The following PAPPA2 variants were observed in gnomAD, a reference collection of about 807,000 sequenced individuals.
PAPPA2 encodes pappalysin 2.
PAPPA2 carries 86 observed loss-of-function variants against 176.4 expected under a neutral mutation model. The observed-to-expected ratio is 0.49, with a 90% confidence interval of 0.41 to 0.58. The LOEUF (loss-of-function observed/expected upper bound fraction) is 0.58, where lower values mean the gene tolerates loss of function less well. PAPPA2 is among the 20% of genes least tolerant of loss of function. PAPPA2 has a pLI of 0.00. For synonymous variants in PAPPA2, 809 were observed against 852.2 expected, an observed-to-expected ratio of 0.95 and a Z score of 0.88; for missense variants, 2,073 against 2,256.9, an observed-to-expected ratio of 0.92 and a Z score of 1.65.
intron 1 of PAPPA2, among the ~76,000 whole-genome samples, chr1:176,491,433 TA>T (rs1647286562): frequency 6.6e-6 from 1 of 152,124 alleles, no homozygotes. Flanking sequence ...GGGAGGAAGA[TA>T]TTTGCATGAG....
intron 21 of PAPPA2, among the ~76,000 whole-genome samples, chr1:176,818,434 T>C (rs1432242786): frequency 6.6e-6 from 1 of 152,204 alleles, no homozygotes; most frequent in Non-Finnish European, 1.5e-5. Context: ...GTGTGGACTT[T>C]CCCATTCCTG....
chr1:176,620,471 A>G (rs922482926), intron 3 of PAPPA2, among the ~76,000 whole-genome samples: 1 of 152,174 alleles, frequency 6.6e-6, no homozygotes, highest in African/African-American at 2.4e-5. Flanking sequence ...AGACATTTCA[A>G]ATCACATTTC....
intron 2 of PAPPA2, among the ~76,000 whole-genome samples, chr1:176,590,501 C>T (rs1653592530): frequency 6.6e-6 from 1 of 152,060 alleles, no homozygotes; most frequent in African/African-American, 2.4e-5. Flanking sequence ...CCTTTGATAA[C>T]ACATCATGAA....
chr1:176,522,787 C>T lies in PAPPA2; in HGVS notation c.-916-32620C>T, dbSNP rs1649284111. On this transcript the variant is annotated intron_variant, in intron 1 of 22. Coordinates refer to ENST00000367662, the MANE Select transcript of PAPPA2 (RefSeq NM_020318.3). ...GGGTGTTGTTTCTTTCTAACTCTTC[C>T]ACTTTGTGTAGACGAAGAGGGAAGA... Among the ~76,000 whole-genome samples the T allele has an allele frequency of 2.0e-5, 3 of 152,090 alleles. No individual in the cohort carries two copies. The South Asian group carries it at 6.2e-4, about 32-fold the overall frequency.
chr1:176,648,201 T>C (rs2102738456), intron 3 of PAPPA2, among the ~76,000 whole-genome samples: 1 of 151,712 alleles, frequency 6.6e-6, no homozygotes, highest in Admixed American at 6.6e-5. Flanking sequence ...GTAACTACAG[T>C]AAATAGGATT....
intron 3 of PAPPA2, among the ~76,000 whole-genome samples, chr1:176,598,900 C>T (rs191410234): frequency 6.6e-6 from 1 of 152,156 alleles, no homozygotes; most frequent in Non-Finnish European, 1.5e-5. Context: ...ATGAATATCT[C>T]TTAATTTACT....
intron 3 of PAPPA2, among the ~76,000 whole-genome samples, chr1:176,625,778 T>C (rs1655972804): frequency 6.6e-6 from 1 of 152,198 alleles, no homozygotes; most frequent in African/African-American, 2.4e-5. Context: ...CCCTGTAGTT[T>C]GGGAGGCCAA....
chr1:176,716,712 C>T (rs971130549), intron 12 of PAPPA2, among the ~76,000 whole-genome samples: 6 of 147,420 alleles, frequency 4.1e-5, no homozygotes, highest in Non-Finnish European at 7.5e-5. Flanking sequence ...CCCAGGTTCA[C>T]GCCATTCTCC....
intron 21 of PAPPA2, among the ~76,000 whole-genome samples, chr1:176,806,799 C>T (rs1665925062): frequency 6.6e-6 from 1 of 152,090 alleles, no homozygotes; most frequent in Non-Finnish European, 1.5e-5. Context: ...TAACGGCAAA[C>T]CTGTTCTTGT....
At chr1:176,793,787 A>G in intron 20 of PAPPA2, 118 bp downstream of exon 20, 2 of 674,840 alleles carry the variant, frequency 3.0e-6, no homozygotes, top group East Asian at 6.1e-5. Context: ...AAACAACCAC[A>G]TGGATTATTC....
At chr1:176,498,705 G>A (rs1166009555) in intron 1 of PAPPA2, among the ~76,000 whole-genome samples, 1 of 150,280 alleles carries the variant, frequency 6.7e-6, no homozygotes. Flanking sequence ...AGCCGAGATC[G>A]CACCATTGCA....
chr1:176,807,659 C>T (rs1205403286), intron 21 of PAPPA2, among the ~76,000 whole-genome samples: 1 of 152,020 alleles, frequency 6.6e-6, no homozygotes, highest in African/African-American at 2.4e-5. Context: ...CCACACCTGG[C>T]TGATTTTTGT....
At chr1:176,467,595 T>G (rs1234066054) in intron 1 of PAPPA2, among the ~76,000 whole-genome samples, 1 of 152,208 alleles carries the variant, frequency 6.6e-6, no homozygotes, top group East Asian at 1.9e-4. Context: ...GCCTCATTTA[T>G]TCAGTTGACA....
intron 21 of PAPPA2, among the ~76,000 whole-genome samples, chr1:176,809,795 A>G (rs1473893314): frequency 1.3e-5 from 2 of 152,072 alleles, no homozygotes; most frequent in Non-Finnish European, 1.5e-5. Flanking sequence ...CCTGGAAATG[A>G]GAGGATCAGA....
intron 4 of PAPPA2, among the ~76,000 whole-genome samples, chr1:176,682,355 A>G (rs919563815): frequency 6.6e-6 from 1 of 152,178 alleles, no homozygotes; most frequent in African/African-American, 2.4e-5. Context: ...GGTGATGAAG[A>G]AAGTTTTGGA....
chr1:176,764,024 C>A (rs941956799), intron 14 of PAPPA2, among the ~76,000 whole-genome samples: 1 of 152,196 alleles, frequency 6.6e-6, no homozygotes, highest in Non-Finnish European at 1.5e-5. Context: ...CAAACACATG[C>A]AAAGGTGCAA....
rs58667717 is a variant in PAPPA2 at position 176,623,711 on chromosome 1, C to CT, written c.1991+28118dup. On this transcript the variant is annotated intron_variant, in intron 3 of 22. Coordinates refer to ENST00000367662, the MANE Select transcript of PAPPA2 (RefSeq NM_020318.3). ...TCTCTCTCTTTCCTTTCTTTCTTTT[C>CT]TTCTTTCTTTCTTTCTCTTTCTTTC... 5.8e-4 allele frequency among the ~76,000 whole-genome samples: 72 copies of CT among 123,654 alleles called. 1 individual carries two copies. Among genetic ancestry groups the CT allele is most frequent in the South Asian group, 2.6e-3 (9 of 3,490 alleles). 81.1% of individuals were successfully genotyped at this position (123,654 alleles called of 152,430 possible).
chr1:176,743,886 C>A (rs542455102), intron 14 of PAPPA2, among the ~76,000 whole-genome samples: 121 of 152,274 alleles, frequency 7.9e-4, no homozygotes, highest in African/African-American at 2.8e-3. Context: ...TCCATAAGAT[C>A]TATGAGTGCT....
At chr1:176,734,847 G>C (rs1018519088) in intron 12 of PAPPA2, among the ~76,000 whole-genome samples, 3 of 152,090 alleles carry the variant, frequency 2.0e-5, no homozygotes, top group Admixed American at 2.0e-4. Flanking sequence ...ATTGGACCAC[G>C]AATGGCTTTT....
Sources: gnomAD v4.1 joint callset for allele counts (sites outside exome capture counted in the v4.1 genomes callset) on GRCh38, gnomAD v4.1.1 for gene constraint, MANE v1.5 for transcripts, NCBI Gene and HGNC (gene_info 2026-07-23, HGNC 2026-07-21) for gene names.